The following TTI1 variants were observed in gnomAD, a reference collection of about 807,000 sequenced individuals.
TTI1 encodes TELO2 interacting protein 1.
Under a neutral mutation model 85.4 loss-of-function variants are expected in TTI1, and 52 were observed. The observed-to-expected ratio is 0.61, with a 90% CI of 0.49 to 0.77. The LOEUF is 0.77. Among genes scored for constraint, TTI1 ranks in the 30% least tolerant of loss-of-function variants. The pLI is 0.00. For missense variants in TTI1, 1,173 were observed against 1,296.0 expected (o/e 0.91, Z 1.46); for synonymous variants, 512 against 503.9 (o/e 1.02, Z -0.22).
intron 1 of TTI1, among the ~76,000 whole-genome samples, chr20:38,031,795 T>A (rs1369735989): frequency 1.3e-5 from 2 of 152,366 alleles, no homozygotes; most frequent in Non-Finnish European, 2.9e-5. Flanking sequence ...ATTTCCTAAC[T>A]ATGTCCAAGT....
rs112259985 is a variant in TTI1, at chr20:38,008,806, T to C, written c.2303-2409A>G. Reference sequence around the variant, plus strand: ...TACTACTCTGATTTATGAGTGACTATACCAACTCCACCTGAGTACTACTTC... The same window carrying C: ...TACTACTCTGATTTATGAGTGACTACACCAACTCCACCTGAGTACTACTTC... On this transcript the variant is annotated intron_variant, in intron 2 of 7. Transcript: ENST00000373447. Among the ~76,000 whole-genome samples the C allele has an allele frequency of 3.1e-3, 466 of 152,358 alleles. 2 individuals are homozygous for C. Among genetic ancestry groups the C allele is most frequent in the African/African-American group, 0.01 (429 of 41,582 alleles).
At chr20:38,032,817 T>C (rs1167058768) in intron 1 of TTI1, among the ~76,000 whole-genome samples, 1 of 152,090 alleles carries the variant, frequency 6.6e-6, no homozygotes, top group Non-Finnish European at 1.5e-5. Context: ...AGGGTTGGGA[T>C]TACAAGCAAG....
intron 1 of TTI1, among the ~76,000 whole-genome samples, chr20:38,032,792 G>A (rs1322191414): frequency 1.3e-5 from 2 of 152,038 alleles, no homozygotes; most frequent in Admixed American, 6.6e-5. Context: ...CTATCCTCTC[G>A]CCTCGGCCTC....
intron 1 of TTI1, among the ~76,000 whole-genome samples, chr20:38,030,275 G>A (rs180857040): frequency 6.6e-6 from 1 of 151,930 alleles, no homozygotes; most frequent in African/African-American, 2.4e-5. Flanking sequence ...AGCAGGGAGT[G>A]GAGGGAATCT....
At chr20:38,001,597 C>A (rs2073426293) in intron 4 of TTI1, among the ~76,000 whole-genome samples, 1 of 152,212 alleles carries the variant, frequency 6.6e-6, no homozygotes, top group South Asian at 2.1e-4. Flanking sequence ...TAAACAAACT[C>A]CACACAACAC....
At chr20:38,015,790 T>C (rs2073673991) in intron 1 of TTI1, among the ~76,000 whole-genome samples, 1 of 152,188 alleles carries the variant, frequency 6.6e-6, no homozygotes, top group South Asian at 2.1e-4. Flanking sequence ...AGTGGCCTAG[T>C]AGATCAAGTG....
At position 38,012,504 on chromosome 20, in the gene TTI1, A is replaced by G. The variant is rs1281654257; in HGVS notation, c.1313T>C (p.Leu438Pro). Residue 438 changes from leucine to proline, a missense_variant, in exon 2 of 8, where the codon CTA becomes CCA. Transcript: ENST00000373447. ...AACAATCTTGATGTCAGCCACGTCTAGCTCTAGAACTTGGATGAGTGCTTT... is the reference window on the plus strand; with the variant it reads ...AACAATCTTGATGTCAGCCACGTCTGGCTCTAGAACTTGGATGAGTGCTTT... ...LSKALIQVLE[L>P]DVADIKIVEE... is the part of the protein sequence containing the mutation. 2 of 1,614,222 alleles carry G rather than the reference A, an allele frequency of 1.2e-6. No individual in the cohort carries two copies. Among genetic ancestry groups the G allele is most frequent in the African/African-American group, 2.7e-5 (2 of 75,058 alleles).
In TTI1 at chr20:38,014,017, G is replaced by C. The variant is rs545389562; in HGVS notation, c.-41-160C>G. 2.1e-4 allele frequency: 134 copies of C among 649,144 alleles called. 2 individuals are homozygous for C. In the South Asian group the frequency reaches 2.6e-3, roughly 12 times the overall value. 40.2% of individuals were successfully genotyped at this position (649,144 alleles called of 1,614,324 possible). A position where few individuals can be genotyped will look rare whatever the true frequency, so the allele number is the denominator to read the frequency against. On this transcript the variant is annotated intron_variant, in intron 1 of 7. Transcript: ENST00000373447. ...AAACTGAGCCCCCTGTCTAGTGAGG[G>C]AAGTACATGTACAGTTACAATAAAG...
chr20:37,994,861 C>CA (rs141472547), intron 7 of TTI1, among the ~76,000 whole-genome samples: 2,035 of 151,780 alleles, frequency 0.013, 45 homozygotes, highest in African/African-American at 0.045. Context: ...CTTTCAGCAG[C>CA]AAAAAAGAGA....
intron 7 of TTI1, among the ~76,000 whole-genome samples, 181 bp downstream of exon 7, chr20:37,996,194 T>C (rs1302858369): frequency 1.3e-5 from 2 of 152,196 alleles, no homozygotes; most frequent in Admixed American, 1.3e-4. Context: ...AAAAGGTTAC[T>C]GGCAAAGAGA....
intron 1 of TTI1, among the ~76,000 whole-genome samples, chr20:38,028,414 G>C (rs1310576742): frequency 1.3e-5 from 2 of 151,744 alleles, no homozygotes; most frequent in Admixed American, 6.6e-5. Context: ...CAGAGCAAAA[G>C]AAAAAAAATT....
chr20:37,989,911 C>T (rs1283194500), intron 7 of TTI1, among the ~76,000 whole-genome samples: 1 of 152,244 alleles, frequency 6.6e-6, no homozygotes, highest in Non-Finnish European at 1.5e-5. Context: ...GGATATTAGT[C>T]ACAACAGTAC....
rs966558309 is a variant in TTI1, at chr20:37,998,472, G to C, written c.2793+716C>G. 1.8e-4 allele frequency among the ~76,000 whole-genome samples: 28 copies of C among 151,626 alleles called. 1 individual carries two copies. Among genetic ancestry groups the C allele is most frequent in the Non-Finnish European group, 7.4e-5 (5 of 67,714 alleles). ...GCGCACCTTCTTCTAATTTATGGCA[G>C]CTCGCTGTGGTATGTATCTCTGCAG... On this transcript the variant is annotated intron_variant, in intron 5 of 7. Coordinates refer to ENST00000373447, the MANE Select transcript of TTI1 (RefSeq NM_001303457.2).
chr20:38,013,075 C>T lies in TTI1; in HGVS notation c.742G>A (p.Ala248Thr). ...GAGATTCTTTTGAGCTGTTCATCAG[C>T]CATAATGAAGCTCACTGTCTTGTAA... ...IFYKTVSFIM[A>T]DEQLKRISKV... Residue 248 changes from alanine to threonine, a missense_variant, in exon 2 of 8, where the codon GCT becomes ACT. Physicochemically the swap from Ala to Thr is moderately conservative, Grantham distance 58 (BLOSUM62 0). Coordinates refer to ENST00000373447, the MANE Select transcript of TTI1 (RefSeq NM_001303457.2). The T allele has an allele frequency of 1.2e-6, 2 of 1,614,138 alleles. No individual in the cohort carries two copies. Among genetic ancestry groups the T allele is most frequent in the Non-Finnish European group, 1.7e-6 (2 of 1,180,034 alleles).
Position 37,993,920 on chromosome 20 carries a change from G to A in TTI1, c.3086+2455C>T, listed in dbSNP as rs1371392062. Reference sequence around the variant, plus strand: ...GGACTGGAAGTGGGACCAGTGGTGAGGTCTGTTGTTCTGGTGGGAGATGAT... The same window carrying A: ...GGACTGGAAGTGGGACCAGTGGTGAAGTCTGTTGTTCTGGTGGGAGATGAT... On this transcript the variant is annotated intron_variant, in intron 7 of 7. Transcript: ENST00000373447. Among the ~76,000 whole-genome samples the A allele has an allele frequency of 4.6e-5, 7 of 152,234 alleles. No individual in the cohort carries two copies. In the East Asian group the frequency reaches 1.3e-3, roughly 29 times the overall value.
chr20:38,023,242 C>T (rs941035279), intron 1 of TTI1, among the ~76,000 whole-genome samples: 1 of 152,142 alleles, frequency 6.6e-6, no homozygotes, highest in African/African-American at 2.4e-5. Flanking sequence ...ATCTCAAGCC[C>T]GCCTGACTCC....
At chr20:37,990,361 G>A (rs151020132) in intron 7 of TTI1, among the ~76,000 whole-genome samples, 60 of 152,248 alleles carry the variant, frequency 3.9e-4, no homozygotes, top group Middle Eastern at 3.4e-3. Flanking sequence ...AATCCTTGTC[G>A]TCATTGTAGT....
At chr20:38,016,454 A>C (rs2073683911) in intron 1 of TTI1, among the ~76,000 whole-genome samples, 2 of 152,194 alleles carry the variant, frequency 1.3e-5, no homozygotes, top group Non-Finnish European at 2.9e-5. Flanking sequence ...GTGGTTCCTA[A>C]ACTACATTCT....
intron 2 of TTI1, among the ~76,000 whole-genome samples, chr20:38,007,958 G>A (rs2073526510): frequency 6.6e-6 from 1 of 152,218 alleles, no homozygotes; most frequent in Admixed American, 6.5e-5. Context: ...TAGATATGCT[G>A]CAAAGATTAT....
Sources: gnomAD v4.1 joint callset for allele counts (sites outside exome capture counted in the v4.1 genomes callset) on GRCh38, gnomAD v4.1.1 for gene constraint, MANE v1.5 for transcripts, NCBI Gene and HGNC (gene_info 2026-07-23, HGNC 2026-07-21) for gene names.